GXYLT1: variants seen among roughly 807,000 people sequenced by gnomAD.
GXYLT1 encodes glucoside xylosyltransferase 1, also known as glycosyltransferase 8 domain containing 3.
Under a neutral mutation model 54.0 loss-of-function variants are expected in GXYLT1, and 29 were observed. The observed-to-expected ratio is 0.54, with a 90% CI of 0.40 to 0.73. GXYLT1 has a LOEUF of 0.73. GXYLT1 is among the 30% of genes least tolerant of loss of function. The pLI, the probability that GXYLT1 is intolerant of heterozygous loss-of-function variation, is 0.00. For missense variants in GXYLT1, 490 were observed against 553.4 expected, an observed-to-expected ratio of 0.89 and a Z score of 1.15; for synonymous variants, 176 against 204.1, an observed-to-expected ratio of 0.86 and a Z score of 1.17.
chr12:42,135,074 T>A (rs1252618947), intron 1 of GXYLT1, among the ~76,000 whole-genome samples: 2 of 152,222 alleles, frequency 1.3e-5, no homozygotes, highest in African/African-American at 4.8e-5. Flanking sequence ...CATCATTTAT[T>A]GACTTTGACC....
chr12:42,128,565 T>C (rs1331891103), intron 2 of GXYLT1, among the ~76,000 whole-genome samples: 1 of 152,178 alleles, frequency 6.6e-6, no homozygotes, highest in East Asian at 1.9e-4. Context: ...TCTATTGTAA[T>C]TTCAGGTTTA....
At chr12:42,139,417 G>A (rs1460773632) in intron 1 of GXYLT1, among the ~76,000 whole-genome samples, 1 of 152,138 alleles carries the variant, frequency 6.6e-6, no homozygotes, top group Non-Finnish European at 1.5e-5. Flanking sequence ...AGGAGGTAGG[G>A]CCTTTTGGTA....
intron 2 of GXYLT1, among the ~76,000 whole-genome samples, chr12:42,119,586 T>C (rs2065518406): frequency 6.6e-6 from 1 of 151,262 alleles, no homozygotes; most frequent in Non-Finnish European, 1.5e-5. Context: ...GGCAGCAGGG[T>C]CACTTCAGTC....
In GXYLT1 at chr12:42,087,839, G is replaced by GT; in HGVS notation, c.1269dup (p.Gln424ThrfsTer55). 2 of 1,606,456 alleles carry GT rather than the reference G, an allele frequency of 1.2e-6. No individual in the cohort carries two copies. Among genetic ancestry groups the GT allele is most frequent in the Middle Eastern group, 2.0e-4 (1 of 5,034 alleles). On this transcript the variant is annotated frameshift_variant, in exon 8 of 8. Coordinates refer to ENST00000398675, the MANE Select transcript of GXYLT1 (RefSeq NM_173601.2). LOFTEE classifies it high-confidence loss of function. The stretch of plus-strand genomic sequence containing the variant: ...CGATCTCTTACACTTTTTGCTAGTT[G>GT]TTTGATAAATATTTTGTAAATTTTT...
chr12:42,122,517 G>A (rs2065537234), intron 2 of GXYLT1, among the ~76,000 whole-genome samples: 1 of 152,174 alleles, frequency 6.6e-6, no homozygotes, highest in Admixed American at 6.5e-5. Flanking sequence ...ATGAACCCAG[G>A]AGGCAGAGGT....
At chr12:42,115,097 C>G (rs1276646069) in intron 3 of GXYLT1, among the ~76,000 whole-genome samples, 1 of 152,166 alleles carries the variant, frequency 6.6e-6, no homozygotes, top group African/African-American at 2.4e-5. Context: ...ATGCTAAAAA[C>G]TCTCAATAAA....
chr12:42,103,165 G>A (rs142223079), intron 5 of GXYLT1, among the ~76,000 whole-genome samples: 18 of 152,170 alleles, frequency 1.2e-4, no homozygotes, highest in African/African-American at 3.9e-4. Flanking sequence ...CACTGTGTTG[G>A]TCAGACTGGT....
intron 3 of GXYLT1, 84 bp downstream of exon 3, chr12:42,118,916 G>T: frequency 9.8e-7 from 1 of 1,025,614 alleles, no homozygotes; most frequent in South Asian, 1.8e-5. Context: ...CTAGCAATGT[G>T]AACAGACTAT....
At chr12:42,100,129 T>C (rs1009614728) in intron 5 of GXYLT1, among the ~76,000 whole-genome samples, 1 of 152,128 alleles carries the variant, frequency 6.6e-6, no homozygotes, top group Non-Finnish European at 1.5e-5. Flanking sequence ...AGAAACTGAG[T>C]CCAATGAGAA....
chr12:42,097,636 C>T (rs2136879973), intron 6 of GXYLT1, 22 bp from the exon 7 acceptor site: 1 of 1,589,410 alleles, frequency 6.3e-7, no homozygotes, highest in East Asian at 2.3e-5. Context: ...AAAGACCAAA[C>T]AATGAAGCAA....
At chr12:42,093,455 T>C (rs1193531900) in intron 7 of GXYLT1, among the ~76,000 whole-genome samples, 1 of 151,568 alleles carries the variant, frequency 6.6e-6, no homozygotes, top group Admixed American at 6.6e-5. Context: ...TATAGAAAAA[T>C]AAATATACAA....
At chr12:42,125,288 G>C (rs1333494460) in intron 2 of GXYLT1, among the ~76,000 whole-genome samples, 2 of 152,170 alleles carry the variant, frequency 1.3e-5, no homozygotes, top group African/African-American at 4.8e-5. Context: ...AGTCTGAGGA[G>C]CTAGAGCATG....
At position 42,087,561 on chromosome 12, in the gene GXYLT1, A is replaced by C. The variant is rs2065302632; in HGVS notation, c.*225T>G. 2 of 443,766 alleles carry C rather than the reference A, an allele frequency of 4.5e-6. No homozygotes were observed. The highest frequency in any genetic ancestry group is 4.2e-5 in the African/African-American group (2 of 48,176). The allele number at this position is 443,766 out of a possible 1,614,324, so 27.5% of individuals were successfully genotyped here. On this transcript the variant is annotated 3_prime_UTR_variant, in exon 8 of 8. Coordinates refer to ENST00000398675, the MANE Select transcript of GXYLT1 (RefSeq NM_173601.2). ...TTTCATCAATACTGGAATGATAGCA[A>C]GTAACATTACAAAACATCAGAGATA...
In GXYLT1 at chr12:42,084,884, T is replaced by A. The variant is rs80327805; in HGVS notation, c.*2902A>T. On this transcript the variant is annotated 3_prime_UTR_variant, in exon 8 of 8. Transcript: ENST00000398675. ...TCATACAAATGAAGTTTGACTGCATTTTAAAGGCATCCCACTTTGGTAATA... is the reference window on the plus strand; with the variant it reads ...TCATACAAATGAAGTTTGACTGCATATTAAAGGCATCCCACTTTGGTAATA... 0.15 allele frequency: 15,925 copies of A among 106,886 alleles called. No homozygotes were observed. The highest frequency in any genetic ancestry group is 0.16 in the East Asian group (570 of 3,550). The allele number at this position is 106,886 out of a possible 1,614,324, so 6.6% of individuals were successfully genotyped here.
chr12:42,090,814 GAA>G (rs2136872480), intron 7 of GXYLT1, among the ~76,000 whole-genome samples: 1 of 152,198 alleles, frequency 6.6e-6, no homozygotes, highest in South Asian at 2.1e-4. Context: ...AAAACATCAA[GAA>G]ATATAATTCA....
chr12:42,115,567 T>C (rs1285377323), intron 3 of GXYLT1, among the ~76,000 whole-genome samples: 3 of 152,012 alleles, frequency 2.0e-5, no homozygotes, highest in Non-Finnish European at 4.4e-5. Context: ...GGAATCCAAC[T>C]TACAAGGGAT....
At chr12:42,122,681 C>T (rs1468719633) in intron 2 of GXYLT1, among the ~76,000 whole-genome samples, 1 of 151,854 alleles carries the variant, frequency 6.6e-6, no homozygotes, top group Non-Finnish European at 1.5e-5. Flanking sequence ...AGATGAATAC[C>T]AACCAATAAA....
chr12:42,092,268 CTCA>C (rs1252472933), intron 7 of GXYLT1, among the ~76,000 whole-genome samples: 1 of 152,182 alleles, frequency 6.6e-6, no homozygotes, highest in Admixed American at 6.5e-5. Context: ...TAAAGTAGCA[CTCA>C]TATTATTTGC....
At chr12:42,113,487 C>T (rs1310054481) in intron 3 of GXYLT1, among the ~76,000 whole-genome samples, 1 of 151,028 alleles carries the variant, frequency 6.6e-6, no homozygotes, top group Non-Finnish European at 1.5e-5. Context: ...CAATCCTAGT[C>T]TCTGATAAAA....
Sources: gnomAD v4.1 joint callset for allele counts (sites outside exome capture counted in the v4.1 genomes callset) on GRCh38, gnomAD v4.1.1 for gene constraint, MANE v1.5 for transcripts, NCBI Gene and HGNC (gene_info 2026-07-23, HGNC 2026-07-21) for gene names.